Variants in RECQL5 observed in about 807,000 individuals in gnomAD.
RECQL5 encodes the protein RecQ like helicase 5, also known as ATP-dependent DNA helicase Q5.
RECQL5 carries 88 observed loss-of-function variants against 103.4 expected under a neutral mutation model. That is an observed-to-expected ratio of 0.85 (90% CI 0.72 to 1.02). The LOEUF is 1.02. Ranked by LOEUF, RECQL5 falls within the 50% of genes least tolerant of loss-of-function variation. RECQL5 has a pLI of 0.00. For missense variants in RECQL5, 1,232 were observed against 1,284.3 expected (o/e 0.96, Z 0.62); for synonymous variants, 552 against 507.9 (o/e 1.09, Z -1.17).
intron 2 of RECQL5, 52 bp from the exon 3 acceptor site, chr17:75,665,224 A>C (rs1213384524): frequency 6.5e-7 from 1 of 1,545,604 alleles, no homozygotes; most frequent in East Asian, 2.3e-5. Flanking sequence ...TTTTCATTGA[A>C]GTTGTTGAAA....
intron 8 of RECQL5, chr17:75,641,112 G>A (rs2059428250): frequency 1.3e-6 from 1 of 799,322 alleles, no homozygotes; most frequent in African/African-American, 1.7e-5. Flanking sequence ...GTGGACACTG[G>A]GTGCTGGGGA....
chr17:75,666,587 G>A lies in RECQL5; in HGVS notation c.-14-16C>T. The A allele has an allele frequency of 6.2e-7, 1 of 1,607,434 alleles. No individual in the cohort carries two copies. Among genetic ancestry groups the A allele is most frequent in the East Asian group, 2.2e-5 (1 of 44,822 alleles). On this transcript the variant is annotated splice_polypyrimidine_tract_variant and intron_variant, in intron 1 of 19. Transcript: ENST00000317905. Reference sequence around the variant, plus strand: ...GCCAAGAACAGTGGCCAAAGGTTAAGGCAAAGGTAGTAAAAGGTTGCCACG... The same window carrying A: ...GCCAAGAACAGTGGCCAAAGGTTAAAGCAAAGGTAGTAAAAGGTTGCCACG...
chr17:75,654,153 T>G (rs746211739), intron 7 of RECQL5, among the ~76,000 whole-genome samples: 5 of 152,264 alleles, frequency 3.3e-5, no homozygotes, highest in Non-Finnish European at 5.9e-5. Flanking sequence ...ATTTTTATAT[T>G]TCCTGTGATC....
rs745544661 is a variant in RECQL5, at chr17:75,631,484, C to T, written c.1414G>A (p.Glu472Lys). Residue 472 changes from glutamate to lysine, a missense_variant, in exon 9 of 20, where the codon GAG (glutamate) becomes AAG (lysine). Physicochemically the swap from Glu to Lys is moderately conservative, Grantham distance 56 (BLOSUM62 1). Transcript: ENST00000317905. ...QGNGFDPELY[E>K]GGRKGYGDFS... ...TCCCCGTAGCCCTTGCGGCCTCCCTCATACAGCTCGGGGTCAAAGCCGTTC... is the reference window on the plus strand; with the variant it reads ...TCCCCGTAGCCCTTGCGGCCTCCCTTATACAGCTCGGGGTCAAAGCCGTTC... The T allele has an allele frequency of 6.2e-6, 10 of 1,613,280 alleles. No individual in the cohort carries two copies. In the South Asian group the frequency reaches 7.7e-5, roughly 12 times the overall value.
At position 75,627,462 on chromosome 17, in the gene RECQL5, C is replaced by T. The variant is rs201830334; in HGVS notation, c.2936G>A (p.Ser979Asn). 1.7e-4 allele frequency: 274 copies of T among 1,613,758 alleles called. 1 individual carries two copies. In the Middle Eastern group the frequency reaches 2.1e-3, roughly 13 times the overall value. ...ACACAGGCCATGCCAGTCAGCTTCG[C>T]TCTCGCACCGGGCCCGGCCATGGAA... ...HFFHGRARCE[S>N]EADWHGLCGP... Residue 979 changes from serine (S) to asparagine (N), a missense_variant, in exon 20 of 20, where the codon AGC (serine) becomes AAC (asparagine). Coordinates refer to ENST00000317905, the MANE Select transcript of RECQL5 (RefSeq NM_004259.7).
chr17:75,627,164 G>A lies in RECQL5; in HGVS notation c.*258C>T, dbSNP rs2059107710. ...GCAGCTCCACCACCCTCCACCTTCT[G>A]TCCTCGACATGTGTCCCAGAAAACC... On this transcript the variant is annotated 3_prime_UTR_variant, in exon 20 of 20. Coordinates refer to ENST00000317905, the MANE Select transcript of RECQL5 (RefSeq NM_004259.7). 1.7e-6 allele frequency: 1 copy of A among 598,338 alleles called. No individual in the cohort carries two copies. Among genetic ancestry groups the A allele is most frequent in the Non-Finnish European group, 3.1e-6 (1 of 319,148 alleles). 37.1% of individuals were successfully genotyped at this position (598,338 alleles called of 1,614,324 possible).
rs562362256 is a variant in RECQL5, at chr17:75,665,473, C to T, written c.131-301G>A. Among the ~76,000 whole-genome samples the T allele has an allele frequency of 7.2e-5, 11 of 152,158 alleles. No individual in the cohort carries two copies. The East Asian group carries it at 1.5e-3, about 21-fold the overall frequency. ...TTGGGAGGCTAAGGCAGGCAGATCA[C>T]GAGGGCAAGAGTTTGAGACCAGCCT... On this transcript the variant is annotated intron_variant, in intron 2 of 19. Transcript: ENST00000317905.
chr17:75,665,536 A>G (rs2059759986), intron 2 of RECQL5, among the ~76,000 whole-genome samples: 1 of 152,082 alleles, frequency 6.6e-6, no homozygotes, highest in South Asian at 2.1e-4. Flanking sequence ...CTAAGAATAC[A>G]AAAATTACCC....
At chr17:75,629,934 G>A in intron 14 of RECQL5, 92 bp from the exon 15 acceptor site, 1 of 1,474,532 alleles carries the variant, frequency 6.8e-7, no homozygotes, top group Non-Finnish European at 9.0e-7. Context: ...CACTACAAGT[G>A]GGTTTCTGTG....
At chr17:75,662,308 G>A (rs1383155017) in intron 4 of RECQL5, among the ~76,000 whole-genome samples, 171 bp downstream of exon 4, 2 of 152,206 alleles carry the variant, frequency 1.3e-5, no homozygotes, top group Non-Finnish European at 2.9e-5. Flanking sequence ...AGGAAACCCT[G>A]GTAAGGAGGA....
Position 75,650,481 on chromosome 17 carries a change from C to A in RECQL5, c.1229+705G>T, listed in dbSNP as rs183831963. ...AGTGGCCTCAGTCTACCATGAGCTT[C>A]GTGACTGTGACCTCTCTGGACCTCA... On this transcript the variant is annotated intron_variant, in intron 8 of 19. Transcript: ENST00000317905. 7.8e-5 allele frequency: 109 copies of A among 1,390,116 alleles called. No homozygotes were observed. In the Admixed American group the frequency reaches 3.0e-3, roughly 38 times the overall value. The allele number at this position is 1,390,116 out of a possible 1,614,324, so 86.1% of individuals were successfully genotyped here. A position where few individuals can be genotyped will look rare whatever the true frequency, so the allele number is the denominator to read the frequency against.
chr17:75,637,794 G>A (rs575784796), intron 8 of RECQL5: 2 of 152,376 alleles, frequency 1.3e-5, no homozygotes, highest in South Asian at 2.1e-4. Flanking sequence ...CCCACTGCAC[G>A]GGCAGTACCC....
intron 8 of RECQL5, chr17:75,649,880 T>G (rs2059533189): frequency 2.0e-6 from 2 of 985,534 alleles, no homozygotes; most frequent in Non-Finnish European, 2.4e-6. Context: ...AGGCCACTGA[T>G]GCACTAAGAA....
Position 75,629,137 on chromosome 17 carries a change from CTG to C in RECQL5, c.2284_2285del (p.Gln762GlufsTer30). The C allele has an allele frequency of 6.2e-7, 1 of 1,613,866 alleles. No homozygotes were observed. The highest frequency in any genetic ancestry group is 1.1e-5 in the South Asian group (1 of 91,090). ...TTCGGCAGAAGAAGCGGGCGATGCTCTGAGAATCCTTGTGGGCCGCTGTGGCT... is the reference window on the plus strand; with the variant it reads ...TTCGGCAGAAGAAGCGGGCGATGCTCAGAATCCTTGTGGGCCGCTGTGGCT... ...LLATAAHKDS[Q>X]SIARFFCRRV... On this transcript the variant is annotated frameshift_variant, in exon 16 of 20. Transcript: ENST00000317905. LOFTEE classifies it high-confidence loss of function.
At chr17:75,650,538 G>A (rs765933245) in intron 8 of RECQL5, 16 of 1,495,654 alleles carry the variant, frequency 1.1e-5, no homozygotes, top group African/African-American at 4.2e-5. Flanking sequence ...AAGCAATCAC[G>A]TCAGCGTCAT....
chr17:75,629,175 G>C lies in RECQL5; in HGVS notation c.2248C>G (p.Gln750Glu), dbSNP rs1416129691. The C allele has an allele frequency of 6.2e-7, 1 of 1,613,642 alleles. No individual in the cohort carries two copies. The change falls in exon 16 of 20, where the codon CAG (glutamine) becomes GAG (glutamate). Residue 750 changes from glutamine to glutamate, a missense_variant. Coordinates refer to ENST00000317905, the MANE Select transcript of RECQL5 (RefSeq NM_004259.7). ...SLAKGRASKK[Q>E]QLLATAAHKD... is the part of the protein sequence containing the mutation. Reference sequence around the variant, plus strand: ...TGGGCCGCTGTGGCTAGGAGCTGCTGTTTCTTGCTAGCCCGGCCCTTGGCA... The same window carrying C: ...TGGGCCGCTGTGGCTAGGAGCTGCTCTTTCTTGCTAGCCCGGCCCTTGGCA...
At chr17:75,656,960 C>T (rs903615982) in intron 7 of RECQL5, among the ~76,000 whole-genome samples, 7 of 152,018 alleles carry the variant, frequency 4.6e-5, no homozygotes, top group Admixed American at 6.6e-5. Context: ...TAGTCAGGAT[C>T]GTCTTGATCT....
intron 8 of RECQL5, among the ~76,000 whole-genome samples, chr17:75,633,169 C>T (rs933997250): frequency 6.6e-6 from 1 of 152,234 alleles, no homozygotes; most frequent in Non-Finnish European, 1.5e-5. Context: ...TCCGTGCGCC[C>T]GCACAGCGGC....
chr17:75,633,550 CT>C (rs1389316387), intron 8 of RECQL5: 1 of 1,280,812 alleles, frequency 7.8e-7, no homozygotes, highest in African/African-American at 1.5e-5. Flanking sequence ...CCTTCAGATG[CT>C]GAGCGGCACA....
Sources: gnomAD v4.1 joint callset for allele counts (sites outside exome capture counted in the v4.1 genomes callset) on GRCh38, gnomAD v4.1.1 for gene constraint, MANE v1.5 for transcripts, NCBI Gene and HGNC (gene_info 2026-07-23, HGNC 2026-07-21) for gene names.